DAAM2: variants seen among roughly 807,000 people sequenced by gnomAD.
DAAM2 encodes dishevelled associated activator of morphogenesis 2, also known as disheveled-associated activator of morphogenesis 2.
A neutral mutation model predicts 120.7 loss-of-function variants in DAAM2; 39 were observed. The observed-to-expected ratio is 0.32, with a 90% CI of 0.25 to 0.42. The LOEUF (loss-of-function observed/expected upper bound fraction) is 0.42. Among genes scored for constraint, DAAM2 ranks in the 10% least tolerant of loss-of-function variants. DAAM2 has a pLI of 1.00. For missense variants in DAAM2, 1,283 were observed against 1,401.7 expected, an observed-to-expected ratio of 0.92 and a Z score of 1.35; for synonymous variants, 488 against 524.9, an observed-to-expected ratio of 0.93 and a Z score of 0.96.
chr6:39,884,290 T>C, intron 15 of DAAM2: 4 of 513,816 alleles, frequency 7.8e-6, no homozygotes, highest in Non-Finnish European at 1.4e-5. Flanking sequence ...GATGTAGGTA[T>C]GAAGTAGAGG....
chr6:39,899,834 G>A (rs890089442), intron 22 of DAAM2: 3 of 370,808 alleles, frequency 8.1e-6, no homozygotes, highest in African/African-American at 2.1e-5. Context: ...AATTTCCTAG[G>A]TGATGCTGCT....
rs768725580 is a variant in DAAM2, at chr6:39,901,443, G to A, written c.2953G>A (p.Glu985Lys). ...LEAMRRRKEE[E>K]ERRARMEAML... ...GGCCATGAGGAGGAGGAAGGAGGAG[G>A]AGGAGCGGCGGGCGCGCATGGAAGC... The change falls in exon 24 of 25, where the codon GAG (glutamate) becomes AAG (lysine). Residue 985 changes from glutamate (E) to lysine (K), a missense_variant. By Grantham distance (56) the Glu-to-Lys change is moderately conservative. Transcript: ENST00000274867. The surrounding 1 kb of genome is among the most constrained non-coding windows in gnomAD (Gnocchi z 4.5). 1.1e-5 allele frequency: 18 copies of A among 1,611,948 alleles called. No individual in the cohort carries two copies. The highest frequency in any genetic ancestry group is 1.4e-5 in the Non-Finnish European group (16 of 1,179,826).
rs1562048466 is a variant in DAAM2, at chr6:39,879,310, C to T, written c.1678C>T (p.Leu560Phe). ...TTGTCCCCCTCCCCCACCACCACCC[C>T]TTCCTCCCGGGGGACCCCCGACTCC... Reference protein sequence around the residue: ...ACCPPPPPPPLPPGGPPTPPG... With the variant: ...ACCPPPPPPPFPPGGPPTPPG... The change falls in exon 14 of 25, where the codon CTT becomes TTT. Residue 560 changes from leucine to phenylalanine, a missense_variant. Leu to Phe is a conservative substitution (Grantham distance 22). Coordinates refer to ENST00000274867, the MANE Select transcript of DAAM2 (RefSeq NM_001201427.2). 1.3e-6 allele frequency: 2 copies of T among 1,568,022 alleles called. No homozygotes were observed.
intron 17 of DAAM2, among the ~76,000 whole-genome samples, chr6:39,890,522 C>T (rs1057452548): frequency 6.6e-6 from 1 of 152,158 alleles, no homozygotes; most frequent in African/African-American, 2.4e-5. Flanking sequence ...AGAGAGCATA[C>T]AGCATGAGTT....
intron 11 of DAAM2, among the ~76,000 whole-genome samples, chr6:39,876,520 ACTC>A (rs1562045870): frequency 6.6e-6 from 1 of 152,142 alleles, no homozygotes; most frequent in South Asian, 2.1e-4. Context: ...GAGGATAAAA[ACTC>A]CTGAGGTCCA....
chr6:39,832,666 C>G (rs1385594769), intron 1 of DAAM2, among the ~76,000 whole-genome samples: 1 of 152,202 alleles, frequency 6.6e-6, no homozygotes, highest in Non-Finnish European at 1.5e-5. Context: ...AGGGCAGCTC[C>G]CAGTGCCCCT....
Position 39,836,817 on chromosome 6 carries a change from A to G in DAAM2, c.-56-19430A>G, listed in dbSNP as rs551720340. Among the ~76,000 whole-genome samples, 3 of 152,268 alleles carry G rather than the reference A, an allele frequency of 2.0e-5. No individual in the cohort carries two copies. In the South Asian group the frequency reaches 6.2e-4, roughly 32 times the overall value. Reference sequence around the variant, plus strand: ...ATTACTCATCCTTACTATTCTATTTACTAGCTCCGGATAGAGGGCAAGATA... The same window carrying G: ...ATTACTCATCCTTACTATTCTATTTGCTAGCTCCGGATAGAGGGCAAGATA... On this transcript the variant is annotated intron_variant, in intron 1 of 24. Transcript: ENST00000274867.
In DAAM2 at chr6:39,867,655, G is replaced by A. The variant is rs1764486488; in HGVS notation, c.574G>A (p.Ala192Thr). 7 of 1,614,034 alleles carry A rather than the reference G, an allele frequency of 4.3e-6. No homozygotes were observed. The highest frequency in any genetic ancestry group is 4.2e-6 in the Non-Finnish European group (5 of 1,179,904). Residue 192 changes from alanine to threonine, a missense_variant, in exon 6 of 25, where the codon GCA becomes ACA. Physicochemically the swap from Ala to Thr is moderately conservative, Grantham distance 58. This residue lies in a region of DAAM2 where 338 missense variants were observed against 443.9 expected (regional missense o/e 0.76). Transcript: ENST00000274867. ...KALMNNSQGR[A>T]HVLAQPEAIS... ...ATTGATGAACAACTCCCAGGGGCGG[G>A]CACATGTGCTGGCACAGCCTGAGGC...
rs1200929195 is a variant in DAAM2, at chr6:39,799,442, T to C, written c.-57+6977T>C. 2.0e-5 allele frequency among the ~76,000 whole-genome samples: 3 copies of C among 152,230 alleles called. No homozygotes were observed. The East Asian group carries it at 5.8e-4, about 29-fold the overall frequency. On this transcript the variant is annotated intron_variant, in intron 1 of 24. Transcript: ENST00000274867. Reference sequence around the variant, plus strand: ...TTTTGCTGTTTGACTACAGAATGTGTTGCATAATTTTTATAGACTTTAGTG... The same window carrying C: ...TTTTGCTGTTTGACTACAGAATGTGCTGCATAATTTTTATAGACTTTAGTG...
rs528755896 is a variant in DAAM2, at chr6:39,834,076, C to T, written c.-56-22171C>T. On this transcript the variant is annotated intron_variant, in intron 1 of 24. Transcript: ENST00000274867. ...CGTCGTATGCCTGAGGCTTTTGCTG[C>T]TTCTCAGAAATGAGTCTTGGGGTAA... 1.7e-4 allele frequency among the ~76,000 whole-genome samples: 26 copies of T among 152,304 alleles called. No homozygotes were observed. The South Asian group carries it at 5.0e-3, about 29-fold the overall frequency.
chr6:39,856,425 C>T lies in DAAM2; in HGVS notation c.123C>T (p.Pro41=). Residue 41 remains proline (P), a synonymous_variant, in exon 2 of 25, where the codon CCC becomes CCT. Coordinates refer to ENST00000274867, the MANE Select transcript of DAAM2 (RefSeq NM_001201427.2). ...HPLQFMEFSS[P]IPNAEELNIR... The stretch of plus-strand genomic sequence containing the variant: ...TGCAGTTCATGGAGTTCTCCAGCCC[C>T]ATCCCGAACGCAGAGGAGCTCAACA... 5.9e-6 allele frequency: 9 copies of T among 1,521,618 alleles called. No individual in the cohort carries two copies. Among genetic ancestry groups the T allele is most frequent in the Non-Finnish European group, 7.0e-6 (8 of 1,134,812 alleles). 94.3% of individuals were successfully genotyped at this position (1,521,618 alleles called of 1,614,324 possible).
intron 1 of DAAM2, among the ~76,000 whole-genome samples, chr6:39,825,610 C>T (rs1762645377): frequency 6.6e-6 from 1 of 152,070 alleles, no homozygotes; most frequent in Non-Finnish European, 1.5e-5. Flanking sequence ...TCCATCGTAC[C>T]AGGGATAAGA....
chr6:39,815,607 C>A (rs1418352854), intron 1 of DAAM2, among the ~76,000 whole-genome samples: 1 of 151,782 alleles, frequency 6.6e-6, no homozygotes, highest in Non-Finnish European at 1.5e-5. Context: ...AACTCTTCTG[C>A]ACTGTGTTGA....
At chr6:39,805,832 G>A (rs1761995320) in intron 1 of DAAM2, among the ~76,000 whole-genome samples, 1 of 152,166 alleles carries the variant, frequency 6.6e-6, no homozygotes, top group East Asian at 1.9e-4. Flanking sequence ...GATTATAGGA[G>A]TGAGCCACCG....
chr6:39,879,476 A>C lies in DAAM2; in HGVS notation c.1844A>C (p.Glu615Ala), dbSNP rs755853016. 30 of 1,613,880 alleles carry C rather than the reference A, an allele frequency of 1.9e-5. No individual in the cohort carries two copies. Among genetic ancestry groups the C allele is most frequent in the Non-Finnish European group, 2.5e-5 (29 of 1,179,910 alleles). ...LKSFNWVKLN[E>A]ERVPGTVWNE... ...TCCTTCAACTGGGTGAAGCTGAATG[A>C]GGTGAGCATCTGGGAAGGGGCTGGA... is the stretch of plus-strand genomic sequence containing the variant. The change falls in exon 14 of 25, where the codon GAG becomes GCG. Residue 615 changes from glutamate to alanine, a missense_variant and splice_region_variant. Physicochemically the swap from Glu to Ala is moderately radical, Grantham distance 107. This residue lies in a region of DAAM2 where 748 missense variants were observed against 768.6 expected (regional missense o/e 0.97). Coordinates refer to ENST00000274867, the MANE Select transcript of DAAM2 (RefSeq NM_001201427.2).
intron 1 of DAAM2, among the ~76,000 whole-genome samples, chr6:39,847,748 G>C (rs1243053410): frequency 6.6e-6 from 1 of 151,918 alleles, no homozygotes; most frequent in African/African-American, 2.4e-5. Flanking sequence ...ACACAGACTT[G>C]CCTCCCAACT....
chr6:39,818,760 A>G (rs1164011250), intron 1 of DAAM2: 8 of 152,164 alleles, frequency 5.3e-5, no homozygotes, highest in Admixed American at 4.6e-4. Context: ...TTTAGTATAA[A>G]TTCTTTAGGT....
chr6:39,900,848 C>G (rs1480987460), intron 23 of DAAM2, among the ~76,000 whole-genome samples: 1 of 152,140 alleles, frequency 6.6e-6, no homozygotes, highest in East Asian at 1.9e-4. Context: ...TAAATATAGC[C>G]ACTGTTTTAT....
At chr6:39,833,681 T>C (rs1763001440) in intron 1 of DAAM2, among the ~76,000 whole-genome samples, 1 of 152,158 alleles carries the variant, frequency 6.6e-6, no homozygotes, top group Non-Finnish European at 1.5e-5. Flanking sequence ...CCTCCCTCTA[T>C]GCACCATTTT....
Sources: allele counts gnomAD v4.1 joint callset (sites outside exome capture counted in the v4.1 genomes callset), GRCh38; gene constraint gnomAD v4.1.1; regional missense constraint gnomAD v4.1.1; non-coding constraint Gnocchi (gnomAD v3.1); transcripts MANE v1.5; gene names NCBI Gene and HGNC (gene_info 2026-07-23, HGNC 2026-07-21).